Variants in DENND5B observed in about 807,000 individuals in gnomAD.
DENND5B encodes DENN domain-containing protein 5B.
In DENND5B, 34 loss-of-function variants were observed where a neutral mutation model predicts 140.6. The observed-to-expected ratio is 0.24, with a 90% CI of 0.18 to 0.32. The LOEUF is 0.32. Among genes scored for constraint, DENND5B ranks in the 10% least tolerant of loss-of-function variants. DENND5B has a pLI of 1.00. For synonymous variants in DENND5B, 551 were observed against 562.1 expected, an observed-to-expected ratio of 0.98 and a Z score of 0.28; for missense variants, 1,142 against 1,560.2, an observed-to-expected ratio of 0.73 and a Z score of 4.52.
intron 1 of DENND5B, chr12:31,500,677 CAAAAAAAAAAAA>C (rs58877023): frequency 3.9e-4 from 35 of 90,580 alleles, no homozygotes; most frequent in South Asian, 1.2e-3. Context: ...GAGACTGTCA[CAAAAAAAAAAAA>C]AAAAAAAAAA....
chr12:31,533,528 C>T (rs533191123), intron 1 of DENND5B, among the ~76,000 whole-genome samples: 32 of 152,294 alleles, frequency 2.1e-4, no homozygotes, highest in African/African-American at 7.5e-4. Context: ...TTTCCCTTAT[C>T]ACTTTGCTTT....
rs1452247967 is a variant in DENND5B at position 31,392,403 on chromosome 12, A to G, written c.3340-10T>C. 6.2e-7 allele frequency: 1 copy of G among 1,612,930 alleles called. No individual in the cohort carries two copies. Among genetic ancestry groups the G allele is most frequent in the Non-Finnish European group, 8.5e-7 (1 of 1,179,548 alleles). ...CGGTGAGGCTTCCTCTCTGTGGGGC[A>G]TAACACACAGTGCCAAAGAAAAATC... is the stretch of plus-strand genomic sequence containing the variant. On this transcript the variant is annotated splice_polypyrimidine_tract_variant and intron_variant, in intron 18 of 20. Coordinates refer to ENST00000389082, the MANE Select transcript of DENND5B (RefSeq NM_144973.4).
intron 1 of DENND5B, among the ~76,000 whole-genome samples, chr12:31,534,418 G>T (rs577628420): frequency 3.3e-5 from 5 of 152,210 alleles, no homozygotes; most frequent in African/African-American, 1.2e-4. Context: ...GACCTCAAGT[G>T]ATCTGCCTGC....
At chr12:31,514,037 G>C (rs1398921023) in intron 1 of DENND5B, among the ~76,000 whole-genome samples, 1 of 151,808 alleles carries the variant, frequency 6.6e-6, no homozygotes, top group Admixed American at 6.6e-5. Flanking sequence ...AGAGAGACAG[G>C]GTGTCACTAT....
chr12:31,523,863 G>A (rs1241409042), intron 1 of DENND5B, among the ~76,000 whole-genome samples: 1 of 152,170 alleles, frequency 6.6e-6, no homozygotes, highest in African/African-American at 2.4e-5. Flanking sequence ...ATGGGACTCT[G>A]AGAGAAGAGA....
chr12:31,403,591 T>C (rs1593070766), intron 14 of DENND5B, among the ~76,000 whole-genome samples: 1 of 84,868 alleles, frequency 1.2e-5, no homozygotes. Flanking sequence ...AGACTCTGCC[T>C]CAGAAAAAAA....
At chr12:31,457,465 G>A (rs1001591549) in intron 4 of DENND5B, among the ~76,000 whole-genome samples, 1 of 152,122 alleles carries the variant, frequency 6.6e-6, no homozygotes, top group Non-Finnish European at 1.5e-5. Context: ...TAGAAGTCTT[G>A]TCACTATTTT....
chr12:31,572,539 CAAAAAAAA>C (rs10531167), intron 1 of DENND5B, among the ~76,000 whole-genome samples: 1 of 135,436 alleles, frequency 7.4e-6, no homozygotes, highest in Non-Finnish European at 1.6e-5. Context: ...TACTCTTTCT[CAAAAAAAA>C]AAAAAAAAAA....
chr12:31,399,235 A>C (rs1020808440), intron 16 of DENND5B, among the ~76,000 whole-genome samples: 6 of 149,998 alleles, frequency 4.0e-5, no homozygotes, highest in Non-Finnish European at 7.4e-5. Flanking sequence ...GGAAAAAAAA[A>C]CCCTAAAATT....
intron 2 of DENND5B, among the ~76,000 whole-genome samples, chr12:31,485,400 G>A (rs530289148): frequency 2.6e-5 from 4 of 152,242 alleles, no homozygotes; most frequent in South Asian, 4.1e-4. Flanking sequence ...CCCAAAGCAC[G>A]GATATTTTAC....
intron 14 of DENND5B, among the ~76,000 whole-genome samples, chr12:31,405,350 G>A (rs570417866): frequency 6.6e-6 from 1 of 152,002 alleles, no homozygotes; most frequent in African/African-American, 2.4e-5. Flanking sequence ...CCCAGTAGCT[G>A]GGACCAGAGG....
intron 3 of DENND5B, among the ~76,000 whole-genome samples, chr12:31,467,426 C>T (rs1945317849): frequency 6.6e-6 from 1 of 151,600 alleles, no homozygotes; most frequent in Non-Finnish European, 1.5e-5. Flanking sequence ...GACTTCACGA[C>T]CAGCCTGGAC....
intron 11 of DENND5B, among the ~76,000 whole-genome samples, chr12:31,420,688 T>C (rs1367639486): frequency 6.6e-6 from 1 of 152,006 alleles, no homozygotes; most frequent in Non-Finnish European, 1.5e-5. Context: ...AAGTAATTTG[T>C]CCTCCTTGAG....
intron 1 of DENND5B, among the ~76,000 whole-genome samples, chr12:31,554,368 C>A (rs560774368): frequency 8.0e-4 from 121 of 151,304 alleles, no homozygotes; most frequent in African/African-American, 2.4e-3. Flanking sequence ...AAATTCTTTT[C>A]TTTAAGAATG....
At chr12:31,408,464 T>G (rs958897108) in intron 14 of DENND5B, among the ~76,000 whole-genome samples, 1 of 151,534 alleles carries the variant, frequency 6.6e-6, no homozygotes, top group South Asian at 2.1e-4. Flanking sequence ...CCATCTCTAC[T>G]AAAAATACAA....
At chr12:31,459,760 C>T (rs973896411) in intron 4 of DENND5B, among the ~76,000 whole-genome samples, 2 of 152,134 alleles carry the variant, frequency 1.3e-5, no homozygotes, top group African/African-American at 2.4e-5. Context: ...TTGATATTTC[C>T]ATTATCCCTA....
chr12:31,403,604 AG>A (rs112190767), intron 14 of DENND5B, among the ~76,000 whole-genome samples: 21,158 of 140,132 alleles, frequency 0.15, 2,173 homozygotes, highest in East Asian at 0.25. Context: ...GAAAAAAAAA[AG>A]AAAGAAAAAA....
chr12:31,472,923 C>G (rs1320872843), intron 3 of DENND5B, among the ~76,000 whole-genome samples: 2 of 151,510 alleles, frequency 1.3e-5, no homozygotes, highest in Non-Finnish European at 2.9e-5. Flanking sequence ...TGCTGTTGCA[C>G]CAAAATCTTC....
At chr12:31,390,390 G>A (rs972469177) in intron 19 of DENND5B, among the ~76,000 whole-genome samples, 2 of 152,190 alleles carry the variant, frequency 1.3e-5, no homozygotes, top group African/African-American at 4.8e-5. Flanking sequence ...TGTAATCCCA[G>A]CACTTTGGGA....
Sources: gnomAD v4.1 joint callset for allele counts (sites outside exome capture counted in the v4.1 genomes callset) on GRCh38, gnomAD v4.1.1 for gene constraint, MANE v1.5 for transcripts, NCBI Gene and HGNC (gene_info 2026-07-23, HGNC 2026-07-21) for gene names.